Variants in RNF126 observed in about 807,000 individuals in gnomAD.
RNF126 encodes the protein E3 ubiquitin-protein ligase RNF126.
RNF126 carries 20 observed loss-of-function variants against 41.9 expected under a neutral mutation model. That is an observed-to-expected ratio of 0.48 (90% CI 0.34 to 0.69). RNF126 has a LOEUF of 0.69. Among genes scored for constraint, RNF126 ranks in the 30% least tolerant of loss-of-function variants. The probability of loss-of-function intolerance (pLI) is 0.01; values close to 1 mark genes in which losing one functional copy is unlikely to be tolerated. For synonymous variants in RNF126, 239 were observed against 202.9 expected (o/e 1.18, Z -1.51); for missense variants, 433 against 460.6 (o/e 0.94, Z 0.55).
chr19:659,306 A>C lies in RNF126; in HGVS notation c.75+3741T>G, dbSNP rs2030693474. Among the ~76,000 whole-genome samples, 1 of 152,074 alleles carries C rather than the reference A, an allele frequency of 6.6e-6. No homozygotes were observed. The highest frequency in any genetic ancestry group is 1.5e-5 in the Non-Finnish European group (1 of 67,984). ...GGGAGACTTCCCGCCTGGCCCCATC[A>C]GTGACACTGGCCGTAGCAGCCCTCA... On this transcript the variant is annotated intron_variant, in intron 1 of 8. Coordinates refer to ENST00000292363, the MANE Select transcript of RNF126 (RefSeq NM_194460.3). This position sits in a 1 kb window ranked among gnomAD's most constrained non-coding sequence, Gnocchi z 4.9.
intron 1 of RNF126, among the ~76,000 whole-genome samples, chr19:654,944 G>A (rs540526183): frequency 6.6e-6 from 1 of 151,992 alleles, no homozygotes; most frequent in Admixed American, 6.6e-5. Flanking sequence ...CTCCAGCCTG[G>A]GCGACAGAGT....
chr19:652,178 C>T (rs548886956), intron 3 of RNF126, 55 bp downstream of exon 3: 428 of 1,404,610 alleles, frequency 3.0e-4, no homozygotes, highest in Middle Eastern at 1.9e-3. Flanking sequence ...GGCTGGCGCT[C>T]GGGGCCCCGA....
intron 1 of RNF126, among the ~76,000 whole-genome samples, chr19:660,931 G>C (rs552317475): frequency 2.0e-5 from 3 of 152,252 alleles, no homozygotes; most frequent in African/African-American, 7.2e-5. Context: ...ATCACCCGCG[G>C]GGTGGACACG....
At chr19:654,900 G>T (rs1372252465) in intron 1 of RNF126, among the ~76,000 whole-genome samples, 1 of 151,864 alleles carries the variant, frequency 6.6e-6, no homozygotes, top group African/African-American at 2.4e-5. Context: ...CTAGGAGGCG[G>T]AGGCTGCAAC....
rs747673387 is a variant in RNF126, at chr19:648,517, G to A, written c.671-30C>T. The A allele has an allele frequency of 4.6e-5, 69 of 1,505,932 alleles. No homozygotes were observed. The South Asian group carries it at 4.8e-4, about 10-fold the overall frequency. The allele number at this position is 1,505,932 out of a possible 1,614,324, so 93.3% of individuals were successfully genotyped here. The stretch of plus-strand genomic sequence containing the variant: ...GGGAGTGTGCAGCTGCGGTCACAGC[G>A]GGCGTGGGGGGCCTGCCGAGCCTTC... On this transcript the variant is annotated intron_variant, in intron 7 of 8. Transcript: ENST00000292363.
At chr19:658,029 C>T (rs935682115) in intron 1 of RNF126, among the ~76,000 whole-genome samples, 2 of 152,090 alleles carry the variant, frequency 1.3e-5, no homozygotes, top group African/African-American at 2.4e-5. Context: ...CACTGGGGGC[C>T]CCCACAGAGG....
intron 1 of RNF126, among the ~76,000 whole-genome samples, chr19:662,832 G>A (rs78804476): frequency 0.012 from 1,858 of 152,208 alleles, 18 homozygotes; most frequent in Non-Finnish European, 0.019. Flanking sequence ...TCCCGCCCGG[G>A]CCTCAGTCTC....
chr19:652,915 G>C (rs1488635228), intron 1 of RNF126, 31 bp from the exon 2 acceptor site: 1 of 1,601,212 alleles, frequency 6.2e-7, no homozygotes, highest in East Asian at 2.2e-5. Flanking sequence ...CCGGGTCACG[G>C]TGACGCCGGC....
chr19:659,876 G>A lies in RNF126; in HGVS notation c.75+3171C>T, dbSNP rs1441619020. Among the ~76,000 whole-genome samples, 1 of 149,988 alleles carries A rather than the reference G, an allele frequency of 6.7e-6. No individual in the cohort carries two copies. The highest frequency in any genetic ancestry group is 2.0e-4 in the East Asian group (1 of 5,064). ...CCTTCCAGGTTCAAGCAATTCTCCCGCCTCAGCCTCCTAAGTCACTGGGAC... is the reference window on the plus strand; with the variant it reads ...CCTTCCAGGTTCAAGCAATTCTCCCACCTCAGCCTCCTAAGTCACTGGGAC... On this transcript the variant is annotated intron_variant, in intron 1 of 8. Coordinates refer to ENST00000292363, the MANE Select transcript of RNF126 (RefSeq NM_194460.3). This position sits in a 1 kb window ranked among gnomAD's most constrained non-coding sequence, Gnocchi z 4.9.
chr19:651,801 C>G lies in RNF126; in HGVS notation c.253G>C (p.Gly85Arg). 1.2e-6 allele frequency: 2 copies of G among 1,612,656 alleles called. No homozygotes were observed. The highest frequency in any genetic ancestry group is 1.3e-5 in the African/African-American group (1 of 75,010). The change falls in exon 4 of 9, where the codon GGC becomes CGC. Residue 85 changes from glycine (G) to arginine (R), a missense_variant. Coordinates refer to ENST00000292363, the MANE Select transcript of RNF126 (RefSeq NM_194460.3). ...ATCTCGAAGCTGTCATCGAAGATGC[C>G]GAAAGCAAACTGTCCGTAGCCCTGC... ...LPQGYGQFAF[G>R]IFDDSFEIPT...
intron 1 of RNF126, among the ~76,000 whole-genome samples, chr19:660,293 A>G (rs1257041033): frequency 3.3e-5 from 5 of 152,240 alleles, no homozygotes; most frequent in Admixed American, 6.5e-5. Context: ...CCAGCAGAGA[A>G]TGACCCAGCT....
intron 1 of RNF126, 66 bp from the exon 2 acceptor site, chr19:652,950 T>G: frequency 1.4e-6 from 2 of 1,451,538 alleles, no homozygotes; most frequent in East Asian, 2.3e-5. Context: ...CCCCCAAGTG[T>G]GAGGACAGAG....
chr19:653,324 A>G (rs536604555), intron 1 of RNF126, among the ~76,000 whole-genome samples: 1 of 152,290 alleles, frequency 6.6e-6, no homozygotes, highest in South Asian at 2.1e-4. Context: ...GGGGGAGGCC[A>G]CGTCCACGCT....
chr19:652,937 ACCC>A (rs1425728914), intron 1 of RNF126, 53 bp from the exon 2 acceptor site: 4 of 1,543,792 alleles, frequency 2.6e-6, no homozygotes, highest in South Asian at 2.3e-5. Flanking sequence ...TCACCTGCAA[ACCC>A]CCCCAAGTGT....
chr19:650,223 C>CT lies in RNF126; in HGVS notation c.506+10_506+11insA. On this transcript the variant is annotated intron_variant, in intron 5 of 8. Transcript: ENST00000292363. ...GGCTGGGGATGGGGACAGGCACCCC[C>CT]ACCCACTCACCAGGGGCCCAGGCTG... 1 of 1,566,048 alleles carries CT rather than the reference C, an allele frequency of 6.4e-7. No individual in the cohort carries two copies. Among genetic ancestry groups the CT allele is most frequent in the Non-Finnish European group, 8.7e-7 (1 of 1,155,650 alleles).
chr19:652,562 G>A, intron 2 of RNF126: 3 of 604,082 alleles, frequency 5.0e-6, no homozygotes, highest in East Asian at 5.5e-5. Flanking sequence ...TTCCCCGGAG[G>A]GCCTGGGTCA....
At chr19:652,457 T>C in intron 2 of RNF126, 161 bp from the exon 3 acceptor site, 1 of 658,324 alleles carries the variant, frequency 1.5e-6, no homozygotes. Context: ...CCGCTGCTGC[T>C]TCCCTCGCCA....
At chr19:660,258 G>A (rs1024567562) in intron 1 of RNF126, among the ~76,000 whole-genome samples, 3 of 152,262 alleles carry the variant, frequency 2.0e-5, no homozygotes, top group African/African-American at 7.2e-5. Flanking sequence ...CACTTGGCAG[G>A]TGAGGAGACT....
chr19:648,568 G>A, intron 7 of RNF126, 81 bp from the exon 8 acceptor site: 1 of 1,142,044 alleles, frequency 8.8e-7, no homozygotes, highest in Non-Finnish European at 1.3e-6. Flanking sequence ...CACAGCCTCA[G>A]CCGGAGGCCG....
Sources: gnomAD v4.1 joint callset for allele counts (sites outside exome capture counted in the v4.1 genomes callset) on GRCh38, gnomAD v4.1.1 for gene constraint, Gnocchi (gnomAD v3.1) non-coding constraint, MANE v1.5 for transcripts, NCBI Gene and HGNC (gene_info 2026-07-23, HGNC 2026-07-21) for gene names.